GOLIM4: variants seen among roughly 807,000 people sequenced by gnomAD.
GOLIM4 encodes 130 kDa golgi-localized phosphoprotein.
Under a neutral mutation model 107.4 loss-of-function variants are expected in GOLIM4, and 71 were observed. The observed-to-expected ratio is 0.66, with a 90% CI of 0.55 to 0.81. GOLIM4 has a LOEUF of 0.81. Among genes scored for constraint, GOLIM4 ranks in the 30% least tolerant of loss-of-function variants. GOLIM4 has a pLI of 0.00. For missense variants in GOLIM4, 830 were observed against 826.1 expected (o/e 1.00, Z -0.06); for synonymous variants, 327 against 294.8 (o/e 1.11, Z -1.12).
chr3:168,057,565 G>A (rs572645063), intron 1 of GOLIM4, among the ~76,000 whole-genome samples: 1 of 152,154 alleles, frequency 6.6e-6, no homozygotes, highest in South Asian at 2.1e-4. Flanking sequence ...TCACTATTAC[G>A]AGAACAGCAT....
chr3:168,095,478 A>T lies in GOLIM4; in HGVS notation c.-193T>A, dbSNP rs1722144461. The T allele has an allele frequency of 1.9e-6, 1 of 535,638 alleles. No homozygotes were observed. The highest frequency in any genetic ancestry group is 3.3e-6 in the Non-Finnish European group (1 of 307,004). The allele number at this position is 535,638 out of a possible 1,614,324, so 33.2% of individuals were successfully genotyped here. Reference sequence around the variant, plus strand: ...CGCGGCGCGGGGCGCGCAGCCATCGACGCCGCCCGGGCAGCTGCAGCCAAA... The same window carrying T: ...CGCGGCGCGGGGCGCGCAGCCATCGTCGCCGCCCGGGCAGCTGCAGCCAAA... On this transcript the variant is annotated 5_prime_UTR_variant, in exon 1 of 16. Coordinates refer to ENST00000470487, the MANE Select transcript of GOLIM4 (RefSeq NM_014498.5).
At position 168,041,389 on chromosome 3, in the gene GOLIM4, T is replaced by C. The variant is rs186748468; in HGVS notation, c.600+3A>G. The C allele has an allele frequency of 1.9e-6, 3 of 1,551,294 alleles. No individual in the cohort carries two copies. The highest frequency in any genetic ancestry group is 2.7e-6 in the Non-Finnish European group (3 of 1,124,138). ...AATAGTGAAACGTTTGGTTTTCTTT[T>C]ACCTTGACATCTTGAAGCTGTGTAT... is the stretch of plus-strand genomic sequence containing the variant. On this transcript the variant is annotated splice_donor_region_variant and intron_variant, in intron 6 of 15. Transcript: ENST00000470487.
At position 168,095,299 on chromosome 3, in the gene GOLIM4, C is replaced by T. The variant is rs1445214760; in HGVS notation, c.-14G>A. 8 of 1,608,174 alleles carry T rather than the reference C, an allele frequency of 5.0e-6. No individual in the cohort carries two copies. The African/African-American group carries it at 9.4e-5, about 19-fold the overall frequency. On this transcript the variant is annotated 5_prime_UTR_variant, in exon 1 of 16. Coordinates refer to ENST00000470487, the MANE Select transcript of GOLIM4 (RefSeq NM_014498.5). ...CCCGTTTCCCATAGTCCCGCCTGGA[C>T]CCAAAGCCGCGGCCGCCCCCGCCGT...
At chr3:168,083,486 G>A (rs887891546) in intron 1 of GOLIM4, among the ~76,000 whole-genome samples, 2 of 152,116 alleles carry the variant, frequency 1.3e-5, no homozygotes, top group African/African-American at 2.4e-5. Flanking sequence ...AAAGAGTCAC[G>A]TGGATTTTTA....
chr3:168,084,152 G>A (rs1032940298), intron 1 of GOLIM4, among the ~76,000 whole-genome samples: 3 of 152,036 alleles, frequency 2.0e-5, no homozygotes, highest in Non-Finnish European at 1.5e-5. Context: ...ATGGTTTAAA[G>A]GTGTATGGCA....
At chr3:168,093,556 G>A (rs558130429) in intron 1 of GOLIM4, among the ~76,000 whole-genome samples, 1 of 152,216 alleles carries the variant, frequency 6.6e-6, no homozygotes, top group African/African-American at 2.4e-5. Flanking sequence ...ACTATTAGAC[G>A]GTAAATTTTT....
intron 1 of GOLIM4, among the ~76,000 whole-genome samples, chr3:168,048,991 G>A (rs1719473772): frequency 6.6e-6 from 1 of 152,116 alleles, no homozygotes; most frequent in Admixed American, 6.5e-5. Flanking sequence ...ATTTATAAAA[G>A]GGTCCACAAA....
rs867722776 is a variant in GOLIM4, at chr3:168,024,701, A to G, written c.1792-107T>C. Reference sequence around the variant, plus strand: ...ATGCCACCATGAAAAGGGCACTTTCAAAGCGTCTGTGGCCAGGAAATGATG... The same window carrying G: ...ATGCCACCATGAAAAGGGCACTTTCGAAGCGTCTGTGGCCAGGAAATGATG... On this transcript the variant is annotated intron_variant, in intron 13 of 15. Coordinates refer to ENST00000470487, the MANE Select transcript of GOLIM4 (RefSeq NM_014498.5). The G allele has an allele frequency of 2.8e-5, 27 of 970,432 alleles. No homozygotes were observed. In the African/African-American group the frequency reaches 3.8e-4, roughly 14 times the overall value. 60.1% of individuals were successfully genotyped at this position (970,432 alleles called of 1,614,324 possible). A position where few individuals can be genotyped will look rare whatever the true frequency, so the allele number is the denominator to read the frequency against.
At chr3:168,046,867 G>A (rs539423079) in intron 3 of GOLIM4, 83 bp downstream of exon 3, 22 of 688,790 alleles carry the variant, frequency 3.2e-5, no homozygotes, top group East Asian at 1.6e-4. Flanking sequence ...AAAAGAGTTC[G>A]CAACTGTATT....
At chr3:168,014,213 C>A (rs1717230153) in intron 14 of GOLIM4, among the ~76,000 whole-genome samples, 1 of 151,020 alleles carries the variant, frequency 6.6e-6, no homozygotes, top group Non-Finnish European at 1.5e-5. Context: ...GGGATATCAC[C>A]ACCGATCCCA....
intron 1 of GOLIM4, among the ~76,000 whole-genome samples, chr3:168,064,117 G>C (rs953659842): frequency 1.3e-5 from 2 of 152,148 alleles, no homozygotes; most frequent in Non-Finnish European, 2.9e-5. Flanking sequence ...GCTTCCCCAG[G>C]CAGTGTGGAT....
intron 1 of GOLIM4, among the ~76,000 whole-genome samples, chr3:168,066,768 G>T (rs1161427617): frequency 6.6e-6 from 1 of 152,092 alleles, no homozygotes; most frequent in Non-Finnish European, 1.5e-5. Flanking sequence ...TTCATTAGAA[G>T]ATCTAGTGAC....
rs1241249544 is a variant in GOLIM4, at chr3:168,011,864, A to C, written c.1861-1041T>G. Among the ~76,000 whole-genome samples, 5 of 137,254 alleles carry C rather than the reference A, an allele frequency of 3.6e-5. 1 individual carries two copies. Among genetic ancestry groups the C allele is most frequent in the South Asian group, 2.1e-4 (1 of 4,738 alleles). 90.0% of individuals were successfully genotyped at this position (137,254 alleles called of 152,430 possible). A position where few individuals can be genotyped will look rare whatever the true frequency, so the allele number is the denominator to read the frequency against. On this transcript the variant is annotated intron_variant, in intron 14 of 15. Coordinates refer to ENST00000470487, the MANE Select transcript of GOLIM4 (RefSeq NM_014498.5). ...TGTTAGAAGGAAAACTAACAAACAG[A>C]AAGGACATCCACACCAAAAACCCAT... is the stretch of plus-strand genomic sequence containing the variant.
Position 168,010,278 on chromosome 3 carries a change from A to T in GOLIM4, c.2082T>A (p.Ala694=), listed in dbSNP as rs779739530. 3 of 1,611,796 alleles carry T rather than the reference A, an allele frequency of 1.9e-6. No homozygotes were observed. Among genetic ancestry groups the T allele is most frequent in the Non-Finnish European group, 1.7e-6 (2 of 1,179,280 alleles). ...AAVAEKSHRR[A]EM is the part of the protein sequence containing the mutation. ...TAGAAATTGGGTGCCGCTACATTTC[A>T]GCTCTTCGATGTGATTTCTCAGCAA... Residue 694 remains alanine (A), a synonymous_variant, in exon 16 of 16, where the codon GCT becomes GCA. Transcript: ENST00000470487.
At chr3:168,064,957 A>C (rs1720468086) in intron 1 of GOLIM4, among the ~76,000 whole-genome samples, 1 of 151,746 alleles carries the variant, frequency 6.6e-6, no homozygotes, top group South Asian at 2.1e-4. Context: ...TTATCCCAGA[A>C]GGGAAAAAAA....
At chr3:168,013,133 T>C (rs1448812630) in intron 14 of GOLIM4, among the ~76,000 whole-genome samples, 1 of 151,420 alleles carries the variant, frequency 6.6e-6, no homozygotes, top group African/African-American at 2.4e-5. Flanking sequence ...GTGTGCTGTA[T>C]TCAGGAAACC....
At chr3:168,050,115 A>G (rs1719531307) in intron 1 of GOLIM4, among the ~76,000 whole-genome samples, 2 of 152,126 alleles carry the variant, frequency 1.3e-5, no homozygotes, top group Admixed American at 6.6e-5. Context: ...TCCATTCACC[A>G]GATGATCCTT....
chr3:168,050,745 G>T (rs945764036), intron 1 of GOLIM4, among the ~76,000 whole-genome samples: 1 of 151,154 alleles, frequency 6.6e-6, no homozygotes, highest in Non-Finnish European at 1.5e-5. Flanking sequence ...TCAAAGAAAG[G>T]AACAGGTGAA....
In GOLIM4 at chr3:168,027,714, G is replaced by C; in HGVS notation, c.1623+14C>G. On this transcript the variant is annotated intron_variant, in intron 12 of 15. Transcript: ENST00000470487. ...GAGTTTACATGTGTCAGGGGCAGAA[G>C]AGAGGATACTTACATCTGCCTCAGA... 4.0e-6 allele frequency: 6 copies of C among 1,482,378 alleles called. No homozygotes were observed. The highest frequency in any genetic ancestry group is 1.1e-5 in the South Asian group (1 of 88,374). The allele number at this position is 1,482,378 out of a possible 1,614,324, so 91.8% of individuals were successfully genotyped here. A position where few individuals can be genotyped will look rare whatever the true frequency, so the allele number is the denominator to read the frequency against.
Sources: allele counts gnomAD v4.1 joint callset (sites outside exome capture counted in the v4.1 genomes callset), GRCh38; gene constraint gnomAD v4.1.1; transcripts MANE v1.5; gene names NCBI Gene and HGNC (gene_info 2026-07-23, HGNC 2026-07-21).